SPAAR: variants seen among roughly 807,000 people sequenced by gnomAD.
SPAAR encodes small regulatory polypeptide of amino acid response.
For synonymous variants in SPAAR, 27 were observed against 15.9 expected, an observed-to-expected ratio of 1.70 and a Z score of -1.66; for missense variants, 59 against 39.9, an observed-to-expected ratio of 1.48 and a Z score of -1.29.
Position 35,910,571 on chromosome 9 carries a change from G to A in SPAAR, c.108G>A (p.Gln36=). 2.8e-6 allele frequency: 2 copies of A among 702,948 alleles called. No individual in the cohort carries two copies. The highest frequency in any genetic ancestry group is 5.2e-6 in the Non-Finnish European group (2 of 384,988). The allele number at this position is 702,948 out of a possible 1,614,324, so 43.5% of individuals were successfully genotyped here. A position where few individuals can be genotyped will look rare whatever the true frequency, so the allele number is the denominator to read the frequency against. The part of the protein sequence containing the change: ...FSCDSRAQDP[Q]GGPGRSFTVA... ...GTGACTCAAGGGCCCAGGATCCTCA[G>A]GGGGGTCCTGGCCGCAGCTTCACGG... The change falls in exon 2 of 2, where the codon CAG becomes CAA. Residue 36 remains glutamine, a synonymous_variant. Coordinates refer to ENST00000443779, the MANE Select transcript of SPAAR (RefSeq NM_001348107.3).
At chr9:35,909,795 G>A (rs543521451) in intron 1 of SPAAR, among the ~76,000 whole-genome samples, 124 of 152,280 alleles carry the variant, frequency 8.1e-4, no homozygotes, top group African/African-American at 2.2e-3. Flanking sequence ...AGAAAAGGAC[G>A]CCAAATGCAA....
Sources: gnomAD v4.1 joint callset for allele counts (sites outside exome capture counted in the v4.1 genomes callset) on GRCh38, gnomAD v4.1.1 for gene constraint, MANE v1.5 for transcripts, NCBI Gene and HGNC (gene_info 2026-07-23, HGNC 2026-07-21) for gene names.